Variants in CSMD3 observed in about 807,000 individuals in gnomAD.
CSMD3 encodes the protein CUB and sushi domain-containing protein 3.
Under a neutral mutation model 435.2 loss-of-function variants are expected in CSMD3, and 177 were observed. That is an observed-to-expected ratio of 0.41 (90% CI 0.36 to 0.46). CSMD3 has a LOEUF of 0.46. Ranked by LOEUF, CSMD3 falls within the 20% of genes least tolerant of loss-of-function variation. The pLI is 0.34. For missense variants in CSMD3, 4,265 were observed against 4,504.6 expected (o/e 0.95, Z 1.52); for synonymous variants, 1,656 against 1,520.5 (o/e 1.09, Z -2.07).
intron 1 of CSMD3, among the ~76,000 whole-genome samples, chr8:113,353,812 T>C (rs118045868): frequency 0.028 from 4,238 of 152,226 alleles, 85 homozygotes; most frequent in Non-Finnish European, 0.039. Context: ...TTTTGAATTT[T>C]ATGCTATTCT....
intron 1 of CSMD3, among the ~76,000 whole-genome samples, chr8:113,328,246 G>C (rs1249933741): frequency 6.6e-6 from 1 of 151,512 alleles, no homozygotes; most frequent in African/African-American, 2.4e-5. Flanking sequence ...AGACCATCCC[G>C]GCTAAAACGG....
At chr8:112,771,605 C>T (rs532620113) in intron 13 of CSMD3, among the ~76,000 whole-genome samples, 1 of 151,848 alleles carries the variant, frequency 6.6e-6, no homozygotes, top group South Asian at 2.1e-4. Flanking sequence ...TCTCAGAGAG[C>T]AATAATTAAT....
At chr8:112,379,032 A>G (rs1168570452) in intron 38 of CSMD3, among the ~76,000 whole-genome samples, 2 of 152,216 alleles carry the variant, frequency 1.3e-5, no homozygotes, top group African/African-American at 4.8e-5. Flanking sequence ...ACATGCAAAG[A>G]ATCAGTTGTA....
intron 1 of CSMD3, among the ~76,000 whole-genome samples, chr8:113,374,142 T>A (rs2094363657): frequency 6.6e-6 from 1 of 152,012 alleles, no homozygotes; most frequent in South Asian, 2.1e-4. Context: ...TATACTTATG[T>A]AAAGTAAATA....
At chr8:112,455,446 T>TA (rs777292914) in intron 32 of CSMD3, among the ~76,000 whole-genome samples, 25 of 151,944 alleles carry the variant, frequency 1.6e-4, no homozygotes, top group Non-Finnish European at 3.2e-4. Flanking sequence ...GCTGAAAAAC[T>TA]ACCTATTGGG....
At chr8:112,628,824 A>C (rs186309384) in intron 22 of CSMD3, among the ~76,000 whole-genome samples, 41 of 152,300 alleles carry the variant, frequency 2.7e-4, no homozygotes, top group Admixed American at 2.6e-3. Flanking sequence ...GGAGCTTACC[A>C]GAATGATTAA....
chr8:112,371,656 G>A (rs1227608709), intron 38 of CSMD3, among the ~76,000 whole-genome samples: 4 of 152,130 alleles, frequency 2.6e-5, no homozygotes, highest in African/African-American at 7.2e-5. Context: ...TTGGGAGGCC[G>A]AGGCGGGCGT....
chr8:113,247,325 A>G (rs893933103), intron 3 of CSMD3, among the ~76,000 whole-genome samples: 8 of 152,176 alleles, frequency 5.3e-5, no homozygotes, highest in African/African-American at 1.9e-4. Context: ...TGTCAGACAG[A>G]TAAAATAGTG....
intron 1 of CSMD3, among the ~76,000 whole-genome samples, chr8:113,340,695 A>G (rs975182348): frequency 6.6e-6 from 1 of 151,956 alleles, no homozygotes; most frequent in African/African-American, 2.4e-5. Context: ...AGCAACATGA[A>G]ACCCTGTCTC....
chr8:112,858,575 A>G (rs1250540694), intron 11 of CSMD3, among the ~76,000 whole-genome samples: 1 of 151,816 alleles, frequency 6.6e-6, no homozygotes, highest in African/African-American at 2.4e-5. Flanking sequence ...ATTTACATTC[A>G]TTGTGTTATA....
At chr8:112,607,455 G>A (rs1159731948) in intron 22 of CSMD3, among the ~76,000 whole-genome samples, 1 of 152,032 alleles carries the variant, frequency 6.6e-6, no homozygotes, top group Non-Finnish European at 1.5e-5. Flanking sequence ...AAGAACTGAA[G>A]AGGAGAGAGC....
At chr8:113,152,614 T>A (rs1395338507) in intron 4 of CSMD3, among the ~76,000 whole-genome samples, 1 of 152,126 alleles carries the variant, frequency 6.6e-6, no homozygotes, top group African/African-American at 2.4e-5. Context: ...TCTTTAAAGC[T>A]CATTCTAGTT....
chr8:113,019,987 C>A (rs906412660), intron 5 of CSMD3, among the ~76,000 whole-genome samples: 1 of 150,892 alleles, frequency 6.6e-6, no homozygotes, highest in East Asian at 1.9e-4. Flanking sequence ...CAAGGTGAAA[C>A]CCCGTCTCTA....
intron 1 of CSMD3, among the ~76,000 whole-genome samples, chr8:113,399,332 G>C (rs1220730908): frequency 1.3e-5 from 2 of 151,294 alleles, no homozygotes. Flanking sequence ...ATAGATCCCA[G>C]AGAAATAAAA....
chr8:113,413,411 A>T (rs2094568158), intron 1 of CSMD3, among the ~76,000 whole-genome samples: 1 of 152,058 alleles, frequency 6.6e-6, no homozygotes, highest in East Asian at 1.9e-4. Context: ...AACTATTGCA[A>T]ATTTGTTTAA....
At chr8:113,012,181 TAA>T (rs2086279053) in intron 6 of CSMD3, among the ~76,000 whole-genome samples, 1 of 151,850 alleles carries the variant, frequency 6.6e-6, no homozygotes, top group South Asian at 2.1e-4. Context: ...TTCATAAGCT[TAA>T]AATAATGCAG....
At chr8:113,064,393 A>G (rs2131376302) in intron 5 of CSMD3, among the ~76,000 whole-genome samples, 1 of 152,170 alleles carries the variant, frequency 6.6e-6, no homozygotes, top group East Asian at 1.9e-4. Context: ...TTAATATATA[A>G]CTTATTTAAC....
intron 3 of CSMD3, among the ~76,000 whole-genome samples, chr8:113,263,278 A>G (rs1270709694): frequency 2.0e-5 from 3 of 152,056 alleles, no homozygotes; most frequent in Non-Finnish European, 4.4e-5. Context: ...ATATAAAGAA[A>G]ACAATTTAGA....
intron 10 of CSMD3, among the ~76,000 whole-genome samples, chr8:112,909,832 A>C (rs1045135996): frequency 1.3e-5 from 2 of 151,782 alleles, no homozygotes; most frequent in Non-Finnish European, 2.9e-5. Flanking sequence ...CATCTTTGAA[A>C]TTTAACATGC....
Sources: allele counts gnomAD v4.1 joint callset (sites outside exome capture counted in the v4.1 genomes callset), GRCh38; gene constraint gnomAD v4.1.1; transcripts MANE v1.5; gene names NCBI Gene and HGNC (gene_info 2026-07-23, HGNC 2026-07-21).